ROBO2: variants seen among roughly 807,000 people sequenced by gnomAD.
ROBO2 encodes roundabout homolog 2.
ROBO2 carries 53 observed loss-of-function variants against 160.8 expected under a neutral mutation model. The observed-to-expected ratio is 0.33, with a 90% CI of 0.26 to 0.41. The LOEUF (loss-of-function observed/expected upper bound fraction) is 0.41, where lower values mean the gene tolerates loss of function less well. Ranked by LOEUF, ROBO2 falls within the 10% of genes least tolerant of loss-of-function variation. The probability of loss-of-function intolerance (pLI) is 1.00; values close to 1 mark genes in which losing one functional copy is unlikely to be tolerated. For synonymous variants in ROBO2, 664 were observed against 611.7 expected (o/e 1.09, Z -1.26); for missense variants, 1,577 against 1,722.4 (o/e 0.92, Z 1.49).
chr3:77,466,982 A>G (rs1429201145), intron 2 of ROBO2, among the ~76,000 whole-genome samples: 1 of 152,190 alleles, frequency 6.6e-6, no homozygotes, highest in Non-Finnish European at 1.5e-5. Flanking sequence ...GAATGACAAG[A>G]GATGCTGCTG....
At chr3:76,292,933 T>G (rs1708876976) in intron 2 of ROBO2, among the ~76,000 whole-genome samples, 1 of 152,002 alleles carries the variant, frequency 6.6e-6, no homozygotes, top group Non-Finnish European at 1.5e-5. Context: ...AGAAGATATT[T>G]CTGAATGTCA....
intron 2 of ROBO2, among the ~76,000 whole-genome samples, chr3:77,443,838 C>CATA (rs1420116366): frequency 6.6e-6 from 1 of 152,130 alleles, no homozygotes; most frequent in Non-Finnish European, 1.5e-5. Context: ...CGAAAGGAGA[C>CATA]ATAAAGGGAA....
intron 2 of ROBO2, among the ~76,000 whole-genome samples, chr3:77,391,683 C>T (rs573846468): frequency 1.9e-4 from 29 of 151,988 alleles, no homozygotes; most frequent in African/African-American, 6.3e-4. Flanking sequence ...ACAGCCAAAC[C>T]GTGTAAGATG....
At chr3:77,371,897 G>A (rs758967161) in intron 2 of ROBO2, among the ~76,000 whole-genome samples, 25 of 152,170 alleles carry the variant, frequency 1.6e-4, no homozygotes, top group Non-Finnish European at 3.1e-4. Context: ...AATTGCTGCA[G>A]TAGTCACTTG....
chr3:76,050,296 C>CT (rs1044487805), intron 2 of ROBO2, among the ~76,000 whole-genome samples: 1 of 152,134 alleles, frequency 6.6e-6, no homozygotes, highest in African/African-American at 2.4e-5. Context: ...ACATCAGACT[C>CT]TAAGTTCTTC....
intron 4 of ROBO2, among the ~76,000 whole-genome samples, chr3:77,491,915 A>C (rs2153599532): frequency 6.6e-6 from 1 of 152,278 alleles, no homozygotes; most frequent in South Asian, 2.1e-4. Flanking sequence ...GCAATAAAAT[A>C]TTTATCTTGC....
chr3:76,035,439 A>G (rs1451855493), intron 2 of ROBO2, among the ~76,000 whole-genome samples: 1 of 151,838 alleles, frequency 6.6e-6, no homozygotes, highest in East Asian at 1.9e-4. Flanking sequence ...TGTTTTTTTA[A>G]TTAAGACTGG....
chr3:76,805,651 C>T (rs908393250), intron 2 of ROBO2, among the ~76,000 whole-genome samples: 1 of 142,688 alleles, frequency 7.0e-6, no homozygotes, highest in Non-Finnish European at 1.5e-5. Flanking sequence ...GTTCATGAGC[C>T]TCTTAATTCT....
intron 2 of ROBO2, among the ~76,000 whole-genome samples, chr3:77,410,533 C>CCTCTTCTTT: frequency 6.7e-6 from 1 of 148,194 alleles, no homozygotes; most frequent in Non-Finnish European, 1.5e-5. Flanking sequence ...TCCTCTTCCT[C>CCTCTTCTTT]CTCCTCTTCT....
chr3:76,759,037 A>G (rs932652528), intron 2 of ROBO2, among the ~76,000 whole-genome samples: 1 of 151,858 alleles, frequency 6.6e-6, no homozygotes, highest in African/African-American at 2.4e-5. Flanking sequence ...TCCTTTGTTT[A>G]AGGCAATTAT....
In ROBO2 at chr3:77,077,260, G is replaced by C. The variant is rs184802791; in HGVS notation, c.62-20754G>C. 1.0e-3 allele frequency among the ~76,000 whole-genome samples: 155 copies of C among 152,214 alleles called. No individual in the cohort carries two copies. In the Middle Eastern group the frequency reaches 0.01, roughly 10 times the overall value. ...AATGAAATAAAATAATCTTGGTAAA[G>C]CACTGGTGTCTAAAAGTTCAATGAA... On this transcript the variant is annotated intron_variant, in intron 1 of 25. Transcript: ENST00000461745.
chr3:76,427,838 CAGTG>C (rs1460070663), intron 2 of ROBO2, among the ~76,000 whole-genome samples: 2 of 152,156 alleles, frequency 1.3e-5, no homozygotes, highest in Admixed American at 1.3e-4. Context: ...TCTGTTTTTT[CAGTG>C]AGTATCTTAG....
intron 2 of ROBO2, among the ~76,000 whole-genome samples, chr3:76,144,454 T>C (rs1448296118): frequency 2.6e-5 from 4 of 152,010 alleles, no homozygotes; most frequent in Admixed American, 6.6e-5. Context: ...TCTATACTTA[T>C]CACTAAGCCC....
Position 77,389,536 on chromosome 3 carries a change from G to C in ROBO2, c.389-87878G>C, listed in dbSNP as rs145792513. On this transcript the variant is annotated intron_variant, in intron 2 of 25. Coordinates refer to ENST00000461745, the Ensembl canonical transcript of ROBO2. The stretch of plus-strand genomic sequence containing the variant: ...GGAAAGTCAGCAGTATTGCAGAACT[G>C]TGTGGGTTCAAGCCAATGTTGTTTA... Among the ~76,000 whole-genome samples, 20 of 152,170 alleles carry C rather than the reference G, an allele frequency of 1.3e-4. 1 individual carries two copies. The highest frequency in any genetic ancestry group is 4.6e-4 in the African/African-American group (19 of 41,532).
intron 2 of ROBO2, among the ~76,000 whole-genome samples, chr3:77,463,144 T>G (rs2082414036): frequency 6.6e-6 from 1 of 152,172 alleles, no homozygotes; most frequent in African/African-American, 2.4e-5. Flanking sequence ...TGGAACAACA[T>G]GTGCAGTACA....
chr3:76,411,263 C>T (rs1308495114), intron 2 of ROBO2, among the ~76,000 whole-genome samples: 7 of 151,916 alleles, frequency 4.6e-5, no homozygotes, highest in Non-Finnish European at 1.0e-4. Flanking sequence ...CTATCATGGC[C>T]AGGCAGTGTA....
chr3:76,579,085 A>G (rs560238139), intron 2 of ROBO2, among the ~76,000 whole-genome samples: 7 of 152,212 alleles, frequency 4.6e-5, no homozygotes, highest in Admixed American at 2.6e-4. Flanking sequence ...TTCTTCCTGG[A>G]CCACTAACTT....
At chr3:77,548,479 T>C (rs2092788722) in intron 7 of ROBO2, among the ~76,000 whole-genome samples, 1 of 152,016 alleles carries the variant, frequency 6.6e-6, no homozygotes, top group Admixed American at 6.6e-5. Flanking sequence ...GCTAAGACCA[T>C]ATCAGGTGTA....
chr3:76,523,664 A>C (rs1279463750), intron 2 of ROBO2, among the ~76,000 whole-genome samples: 2 of 152,124 alleles, frequency 1.3e-5, no homozygotes, highest in Non-Finnish European at 2.9e-5. Flanking sequence ...TTCAGTCTTC[A>C]TACTTTCTCT....
Sources: allele counts gnomAD v4.1 joint callset (sites outside exome capture counted in the v4.1 genomes callset), GRCh38; gene constraint gnomAD v4.1.1; transcripts MANE v1.5; gene names NCBI Gene and HGNC (gene_info 2026-07-23, HGNC 2026-07-21).